Variants in BTBD9 observed in about 807,000 individuals in gnomAD.
The protein encoded by BTBD9 is BTB domain containing 9.
Under a neutral mutation model 64.3 loss-of-function variants are expected in BTBD9, and 49 were observed. The observed-to-expected ratio is 0.76, with a 90% CI of 0.61 to 0.97. BTBD9 has a LOEUF of 0.97. Among genes scored for constraint, BTBD9 ranks in the 50% least tolerant of loss-of-function variants. The pLI, the probability that BTBD9 is intolerant of heterozygous loss-of-function variation, is 0.00. For synonymous variants in BTBD9, 260 were observed against 274.7 expected (o/e 0.95, Z 0.53); for missense variants, 598 against 762.1 (o/e 0.78, Z 2.53).
intron 6 of BTBD9, among the ~76,000 whole-genome samples, chr6:38,502,461 C>T (rs17590501): frequency 0.033 from 4,993 of 152,254 alleles, 115 homozygotes; most frequent in Non-Finnish European, 0.048. Context: ...CAGCCTCCTA[C>T]CATGTTCAAA....
rs1050283801 is a variant in BTBD9 at position 38,354,213 on chromosome 6, A to G, written c.1155-9120T>C. ...AAACCAAGAGAGTGATAAAGAGAGC[A>G]CAGGGAGTGAGGAAATCACAAATCC... On this transcript the variant is annotated intron_variant, in intron 6 of 10. Coordinates refer to ENST00000481247, the MANE Select transcript of BTBD9 (RefSeq NM_001099272.2). Among the ~76,000 whole-genome samples the G allele has an allele frequency of 3.3e-5, 5 of 152,312 alleles. No homozygotes were observed. In the South Asian group the frequency reaches 8.3e-4, roughly 25 times the overall value.
chr6:38,568,214 T>C (rs1041561999), intron 6 of BTBD9, among the ~76,000 whole-genome samples: 1 of 152,214 alleles, frequency 6.6e-6, no homozygotes, highest in Non-Finnish European at 1.5e-5. Context: ...CTCAACAATA[T>C]CATTTTTAGA....
chr6:38,375,565 C>T (rs4714152), intron 6 of BTBD9, among the ~76,000 whole-genome samples: 58,642 of 151,868 alleles, frequency 0.39, 13,902 homozygotes, highest in East Asian at 0.95. Context: ...TTGCTAACCA[C>T]AGTATGAAGG....
intron 6 of BTBD9, among the ~76,000 whole-genome samples, chr6:38,489,161 G>A (rs903974244): frequency 1.3e-5 from 2 of 152,166 alleles, no homozygotes; most frequent in African/African-American, 4.8e-5. Flanking sequence ...TTCCTGAAGT[G>A]ATGGGATTAT....
chr6:38,341,874 C>T (rs1383202268), intron 7 of BTBD9, among the ~76,000 whole-genome samples: 2 of 152,164 alleles, frequency 1.3e-5, no homozygotes, highest in Non-Finnish European at 2.9e-5. Flanking sequence ...AAAGGCCCAG[C>T]TCTGGGCAAT....
intron 6 of BTBD9, among the ~76,000 whole-genome samples, chr6:38,429,481 AC>A (rs1768344292): frequency 6.6e-6 from 1 of 151,346 alleles, no homozygotes; most frequent in African/African-American, 2.4e-5. Context: ...AGAAAGAAAA[AC>A]GGATTTGAAT....
chr6:38,339,949 AT>A lies in BTBD9; in HGVS notation c.1264+5034del, dbSNP rs151249929. Among the ~76,000 whole-genome samples the A allele has an allele frequency of 7.0e-3, 1,064 of 152,310 alleles. 11 individuals carry two copies. The highest frequency in any genetic ancestry group is 0.025 in the African/African-American group (1,025 of 41,576). The stretch of plus-strand genomic sequence containing the variant: ...AAGGACCTAAAAATCAGTAACAAAA[AT>A]CTTAAAACTCATTTCGGTAATCATA... On this transcript the variant is annotated intron_variant, in intron 7 of 10. Coordinates refer to ENST00000481247, the MANE Select transcript of BTBD9 (RefSeq NM_001099272.2).
chr6:38,204,747 CTG>C (rs1383409929), intron 9 of BTBD9, among the ~76,000 whole-genome samples: 4 of 151,892 alleles, frequency 2.6e-5, no homozygotes, highest in South Asian at 2.1e-4. Flanking sequence ...CAAAAAAAGA[CTG>C]TAACATGAAA....
At chr6:38,447,593 T>C (rs920580317) in intron 6 of BTBD9, among the ~76,000 whole-genome samples, 1 of 152,200 alleles carries the variant, frequency 6.6e-6, no homozygotes, top group African/African-American at 2.4e-5. Flanking sequence ...GATGTTACAG[T>C]ACAGACTCTG....
At chr6:38,467,681 T>C (rs754949219) in intron 6 of BTBD9, among the ~76,000 whole-genome samples, 21 of 152,214 alleles carry the variant, frequency 1.4e-4, no homozygotes, top group Non-Finnish European at 2.9e-4. Flanking sequence ...TTACAATGTG[T>C]CCAAGAGATT....
At chr6:38,435,218 C>T (rs4601125) in intron 6 of BTBD9, among the ~76,000 whole-genome samples, 5,786 of 151,144 alleles carry the variant, frequency 0.038, 269 homozygotes, top group East Asian at 0.13. Context: ...AAGTTAATTG[C>T]TAATATTCCC....
chr6:38,340,866 T>C lies in BTBD9; in HGVS notation c.1264+4118A>G, dbSNP rs115164827. On this transcript the variant is annotated intron_variant, in intron 7 of 10. Coordinates refer to ENST00000481247, the MANE Select transcript of BTBD9 (RefSeq NM_001099272.2). ...ACTAGAGGTTTTCTCTGCTTCTGGATAGATACACACAACACTACCTATGGA... is the reference window on the plus strand; with the variant it reads ...ACTAGAGGTTTTCTCTGCTTCTGGACAGATACACACAACACTACCTATGGA... Among the ~76,000 whole-genome samples the C allele has an allele frequency of 1.5e-3, 221 of 152,314 alleles. 1 individual carries two copies. The highest frequency in any genetic ancestry group is 5.1e-3 in the African/African-American group (211 of 41,582).
intron 9 of BTBD9, among the ~76,000 whole-genome samples, chr6:38,212,032 T>C (rs569551406): frequency 6.6e-6 from 1 of 152,328 alleles, no homozygotes; most frequent in East Asian, 1.9e-4. Flanking sequence ...AACTGCGTAG[T>C]AACCTGTTGA....
intron 6 of BTBD9, among the ~76,000 whole-genome samples, chr6:38,492,105 G>A (rs1004698640): frequency 2.6e-5 from 4 of 152,020 alleles, no homozygotes; most frequent in African/African-American, 4.8e-5. Context: ...TGAGAAAATG[G>A]GCCCACAGAA....
At chr6:38,490,831 C>T (rs1193760873) in intron 6 of BTBD9, among the ~76,000 whole-genome samples, 1 of 152,152 alleles carries the variant, frequency 6.6e-6, no homozygotes, top group African/African-American at 2.4e-5. Context: ...TCAAGTAAAT[C>T]AGCATGATCT....
intron 6 of BTBD9, among the ~76,000 whole-genome samples, chr6:38,381,938 A>T (rs923875719): frequency 2.6e-5 from 4 of 152,204 alleles, no homozygotes; most frequent in Non-Finnish European, 5.9e-5. Flanking sequence ...AATAACAATT[A>T]ATGAAAATAA....
chr6:38,296,456 T>G (rs1762161489), intron 7 of BTBD9, among the ~76,000 whole-genome samples: 1 of 152,166 alleles, frequency 6.6e-6, no homozygotes, highest in African/African-American at 2.4e-5. Flanking sequence ...AATTCCTGTC[T>G]TCTCTTTATT....
chr6:38,556,546 T>TGC (rs1775028700), intron 6 of BTBD9, among the ~76,000 whole-genome samples: 1 of 101,968 alleles, frequency 9.8e-6, no homozygotes, highest in African/African-American at 5.3e-5. Flanking sequence ...TGTGTGTGTG[T>TGC]GTGTGAGAGA....
At chr6:38,314,781 A>G (rs1446496120) in intron 7 of BTBD9, among the ~76,000 whole-genome samples, 2 of 152,180 alleles carry the variant, frequency 1.3e-5, no homozygotes, top group African/African-American at 4.8e-5. Flanking sequence ...ATTTGCTTAT[A>G]GCAGCCTCTA....
Sources: gnomAD v4.1 joint callset for allele counts (sites outside exome capture counted in the v4.1 genomes callset) on GRCh38, gnomAD v4.1.1 for gene constraint, MANE v1.5 for transcripts, NCBI Gene and HGNC (gene_info 2026-07-23, HGNC 2026-07-21) for gene names.